DACH1: variants seen among roughly 807,000 people sequenced by gnomAD.
DACH1 encodes dachshund family transcription factor 1.
In DACH1, 12 loss-of-function variants were observed where a neutral mutation model predicts 54.2. That is an observed-to-expected ratio of 0.22 (90% CI 0.14 to 0.36). The LOEUF (loss-of-function observed/expected upper bound fraction) is 0.36. DACH1 is among the 10% of genes least tolerant of loss of function. The probability of loss-of-function intolerance (pLI) is 1.00; values close to 1 mark genes in which losing one functional copy is unlikely to be tolerated. For missense variants in DACH1, 805 were observed against 929.8 expected, an observed-to-expected ratio of 0.87 and a Z score of 1.75; for synonymous variants, 386 against 366.2, an observed-to-expected ratio of 1.05 and a Z score of -0.62.
chr13:71,836,034 C>T (rs111912690), intron 1 of DACH1, among the ~76,000 whole-genome samples: 2,219 of 152,042 alleles, frequency 0.015, 31 homozygotes, highest in Non-Finnish European at 0.023. Flanking sequence ...AAAAGCAGAA[C>T]GGTTGAACAC....
chr13:71,463,367 C>G (rs1311575697), intron 10 of DACH1, among the ~76,000 whole-genome samples: 1 of 151,840 alleles, frequency 6.6e-6, no homozygotes, highest in Non-Finnish European at 1.5e-5. Context: ...CTACAGGAAA[C>G]TTAAAGTCAA....
intron 1 of DACH1, among the ~76,000 whole-genome samples, chr13:71,786,091 C>T (rs1478726906): frequency 2.6e-5 from 4 of 151,900 alleles, no homozygotes; most frequent in Non-Finnish European, 5.9e-5. Context: ...GGGTAGAGAG[C>T]CCAATATAAG....
chr13:71,812,486 A>G (rs1468957872), intron 1 of DACH1, among the ~76,000 whole-genome samples: 1 of 150,150 alleles, frequency 6.7e-6, no homozygotes, highest in Admixed American at 6.7e-5. Flanking sequence ...TTTAGAGGAC[A>G]GGTCAAAGGT....
chr13:71,595,893 C>G (rs954106949), intron 3 of DACH1, among the ~76,000 whole-genome samples: 1 of 152,088 alleles, frequency 6.6e-6, no homozygotes, highest in Admixed American at 6.6e-5. Flanking sequence ...ATGAATGCTG[C>G]AGGGACACAA....
intron 3 of DACH1, among the ~76,000 whole-genome samples, chr13:71,630,276 T>G (rs1876991132): frequency 6.6e-6 from 1 of 152,178 alleles, no homozygotes. Flanking sequence ...ATTCTCTTGA[T>G]TAAACTTTGT....
chr13:71,841,068 G>A (rs1251778182), intron 1 of DACH1, among the ~76,000 whole-genome samples: 2 of 152,070 alleles, frequency 1.3e-5, no homozygotes, highest in Non-Finnish European at 2.9e-5. Flanking sequence ...TTTCCTGGCA[G>A]CTGTATATTT....
intron 1 of DACH1, among the ~76,000 whole-genome samples, chr13:71,815,073 C>T (rs1227949248): frequency 6.6e-6 from 1 of 152,144 alleles, no homozygotes; most frequent in Non-Finnish European, 1.5e-5. Context: ...AACAAACTGT[C>T]ACATCAACAA....
At chr13:71,685,515 T>A (rs1009397327) in intron 1 of DACH1, among the ~76,000 whole-genome samples, 1 of 152,172 alleles carries the variant, frequency 6.6e-6, no homozygotes, top group Non-Finnish European at 1.5e-5. Flanking sequence ...GTTGGAGTTA[T>A]TCCCAACTTC....
At chr13:71,693,035 A>G (rs1222575650) in intron 1 of DACH1, among the ~76,000 whole-genome samples, 1 of 152,086 alleles carries the variant, frequency 6.6e-6, no homozygotes, top group Non-Finnish European at 1.5e-5. Flanking sequence ...TTTTTCTGTA[A>G]TCACTTATTA....
chr13:71,521,950 CAA>C (rs1288455785), intron 6 of DACH1, among the ~76,000 whole-genome samples: 4 of 152,134 alleles, frequency 2.6e-5, no homozygotes, highest in African/African-American at 9.7e-5. Context: ...CTCTTCACTT[CAA>C]AAGTCATTGT....
chr13:71,538,232 T>A (rs1882926254), intron 6 of DACH1, among the ~76,000 whole-genome samples: 2 of 152,076 alleles, frequency 1.3e-5, no homozygotes, highest in Admixed American at 1.3e-4. Flanking sequence ...ACTTCAATCA[T>A]AGAATGAAAT....
intron 6 of DACH1, among the ~76,000 whole-genome samples, chr13:71,538,875 T>C (rs958303772): frequency 6.6e-6 from 1 of 152,108 alleles, no homozygotes; most frequent in African/African-American, 2.4e-5. Flanking sequence ...TTCATATTTC[T>C]TGTCCTTTTA....
At position 71,516,171 on chromosome 13, in the gene DACH1, AG is replaced by A. The variant is rs574301764; in HGVS notation, c.1571-27024del. 1.9e-3 allele frequency among the ~76,000 whole-genome samples: 286 copies of A among 151,944 alleles called. 2 individuals carry two copies. Among genetic ancestry groups the A allele is most frequent in the African/African-American group, 6.5e-3 (269 of 41,512 alleles). On this transcript the variant is annotated intron_variant, in intron 6 of 10. Transcript: ENST00000613252. ...GTTAATTTCTTTGCTTTTTTCCATG[AG>A]GGAATTAGATGTACAGAAGTAGATG...
At chr13:71,750,182 G>A (rs1884862005) in intron 1 of DACH1, among the ~76,000 whole-genome samples, 1 of 152,102 alleles carries the variant, frequency 6.6e-6, no homozygotes, top group South Asian at 2.1e-4. Flanking sequence ...GATGTTTAGA[G>A]TCTATACTTT....
At chr13:71,747,113 T>C (rs1477593502) in intron 1 of DACH1, among the ~76,000 whole-genome samples, 4 of 152,180 alleles carry the variant, frequency 2.6e-5, no homozygotes, top group Admixed American at 6.5e-5. Flanking sequence ...TTGTATGATA[T>C]ATAATATCTA....
chr13:71,570,856 C>T (rs1372130126), intron 4 of DACH1, among the ~76,000 whole-genome samples: 1 of 152,160 alleles, frequency 6.6e-6, no homozygotes, highest in African/African-American at 2.4e-5. Flanking sequence ...TATCTAAACT[C>T]TGACAACCAA....
chr13:71,659,709 C>A (rs1415337670), intron 2 of DACH1, among the ~76,000 whole-genome samples: 1 of 151,746 alleles, frequency 6.6e-6, no homozygotes, highest in African/African-American at 2.4e-5. Context: ...TTTTTTTTGA[C>A]ATGTTTTAAG....
At chr13:71,714,329 TAAACAAAACAAAACA>T (rs200269145) in intron 1 of DACH1, among the ~76,000 whole-genome samples, 58 of 151,836 alleles carry the variant, frequency 3.8e-4, no homozygotes, top group African/African-American at 1.4e-3. Context: ...CGGGGACAAT[TAAACAAAACAAAACA>T]AAACAAAACA....
chr13:71,821,435 A>ATTTAAATTTAAATTCTAAGAT (rs1475841342), intron 1 of DACH1, among the ~76,000 whole-genome samples: 2 of 149,792 alleles, frequency 1.3e-5, no homozygotes, highest in Non-Finnish European at 2.9e-5. Flanking sequence ...TTAAATTTAA[A>ATTTAAATTTAAATTCTAAGAT]TTTAAATTTA....
Sources: allele counts gnomAD v4.1 joint callset (sites outside exome capture counted in the v4.1 genomes callset), GRCh38; gene constraint gnomAD v4.1.1; transcripts MANE v1.5; gene names NCBI Gene and HGNC (gene_info 2026-07-23, HGNC 2026-07-21).